CDC42BPA: variants seen among roughly 807,000 people sequenced by gnomAD.
CDC42BPA encodes CDC42 binding protein kinase alpha.
A neutral mutation model predicts 223.5 loss-of-function variants in CDC42BPA; 80 were observed. The observed-to-expected ratio is 0.36, with a 90% confidence interval of 0.30 to 0.43. CDC42BPA has a LOEUF of 0.43. CDC42BPA is among the 20% of genes least tolerant of loss of function. CDC42BPA has a pLI of 1.00. For synonymous variants in CDC42BPA, 694 were observed against 718.6 expected (o/e 0.97, Z 0.55); for missense variants, 1,743 against 2,099.9 (o/e 0.83, Z 3.32).
rs139554464 is a variant in CDC42BPA, at chr1:227,085,571, A to G, written c.2356-4554T>C. Among the ~76,000 whole-genome samples, 131 of 152,348 alleles carry G rather than the reference A, an allele frequency of 8.6e-4. 3 individuals are homozygous for G. In the East Asian group the frequency reaches 0.024, roughly 28 times the overall value. On this transcript the variant is annotated intron_variant, in intron 16 of 36. Transcript: ENST00000366766. ...GAGATAGGCAATTTTGGCACAAATC[A>G]CAAAGCAAAGTTTCATTTCTTCCCC...
intron 3 of CDC42BPA, among the ~76,000 whole-genome samples, chr1:227,202,603 T>C (rs993558784): frequency 6.6e-6 from 1 of 152,034 alleles, no homozygotes; most frequent in Non-Finnish European, 1.5e-5. Context: ...CTAATCTGTT[T>C]AACTAAAAAA....
In CDC42BPA at chr1:227,073,851, G is replaced by A; in HGVS notation, c.2735+13C>T. On this transcript the variant is annotated intron_variant, in intron 19 of 36. Coordinates refer to ENST00000366766, the MANE Select transcript of CDC42BPA (RefSeq NM_001394014.1). ...AGAAATTATTCTAGTGGGACTATAT[G>A]ATTCAATCTTACCATTCTGTTATGA... is the stretch of plus-strand genomic sequence containing the variant. The A allele has an allele frequency of 6.5e-7, 1 of 1,543,018 alleles. No homozygotes were observed. The highest frequency in any genetic ancestry group is 8.8e-7 in the Non-Finnish European group (1 of 1,141,870).
At chr1:227,013,589 A>G (rs1665633459) in intron 34 of CDC42BPA, among the ~76,000 whole-genome samples, 1 of 152,128 alleles carries the variant, frequency 6.6e-6, no homozygotes, top group Non-Finnish European at 1.5e-5. Context: ...AAGGATACTA[A>G]GCAGAGTAAC....
At chr1:227,041,265 C>T (rs1671316211) in intron 23 of CDC42BPA, among the ~76,000 whole-genome samples, 1 of 152,126 alleles carries the variant, frequency 6.6e-6, no homozygotes, top group Non-Finnish European at 1.5e-5. Context: ...GTACTGAGCA[C>T]AGTACCCAAT....
At chr1:227,096,681 T>C (rs554540932) in intron 15 of CDC42BPA, among the ~76,000 whole-genome samples, 52 of 152,346 alleles carry the variant, frequency 3.4e-4, no homozygotes, top group Admixed American at 3.9e-4. Flanking sequence ...TCTACATTCC[T>C]GGCTTCTTTT....
At chr1:227,103,409 G>C (rs988374747) in intron 14 of CDC42BPA, among the ~76,000 whole-genome samples, 2 of 151,978 alleles carry the variant, frequency 1.3e-5, no homozygotes, top group Non-Finnish European at 2.9e-5. Flanking sequence ...AAACCTACAA[G>C]TCTTGAAACA....
intron 1 of CDC42BPA, among the ~76,000 whole-genome samples, chr1:227,276,648 G>A (rs937717205): frequency 3.3e-5 from 5 of 152,342 alleles, no homozygotes; most frequent in African/African-American, 1.2e-4. Context: ...GGGAAATGTG[G>A]GGAAAGGAAA....
intron 14 of CDC42BPA, among the ~76,000 whole-genome samples, chr1:227,103,476 C>T (rs1354549716): frequency 6.6e-6 from 1 of 151,814 alleles, no homozygotes; most frequent in Non-Finnish European, 1.5e-5. Flanking sequence ...TGTTATCTTC[C>T]ACATAATTCT....
intron 5 of CDC42BPA, among the ~76,000 whole-genome samples, chr1:227,164,342 G>A (rs1664637847): frequency 6.6e-6 from 1 of 152,088 alleles, no homozygotes; most frequent in Non-Finnish European, 1.5e-5. Context: ...TGATTTTATA[G>A]ATTAATCTGA....
chr1:227,317,276 T>C lies in CDC42BPA; in HGVS notation c.-94A>G, dbSNP rs545360445. The C allele has an allele frequency of 9.7e-6, 13 of 1,335,392 alleles. No individual in the cohort carries two copies. Among genetic ancestry groups the C allele is most frequent in the South Asian group, 1.4e-5 (1 of 69,050 alleles). The allele number at this position is 1,335,392 out of a possible 1,614,324, so 82.7% of individuals were successfully genotyped here. On this transcript the variant is annotated 5_prime_UTR_variant, in exon 1 of 37. Coordinates refer to ENST00000366766, the MANE Select transcript of CDC42BPA (RefSeq NM_001394014.1). ...ATTTTAAAAGGTATGGTTTTAAAAA[T>C]AAACCACTTGTTATTCAAACAACTG...
intron 34 of CDC42BPA, among the ~76,000 whole-genome samples, chr1:227,009,073 T>A (rs1664675395): frequency 6.6e-6 from 1 of 152,172 alleles, no homozygotes; most frequent in Admixed American, 6.5e-5. Flanking sequence ...TACATTGATG[T>A]TGTCCTTTCC....
intron 3 of CDC42BPA, among the ~76,000 whole-genome samples, chr1:227,201,299 C>G (rs559867318): frequency 3.9e-4 from 59 of 152,104 alleles, no homozygotes; most frequent in African/African-American, 1.4e-3. Flanking sequence ...GTGCACACCA[C>G]TATGCCCAGC....
chr1:227,019,813 T>C (rs1482308236), intron 32 of CDC42BPA, among the ~76,000 whole-genome samples: 2 of 152,198 alleles, frequency 1.3e-5, no homozygotes, highest in Non-Finnish European at 2.9e-5. Flanking sequence ...GCTTAAAATT[T>C]TCAGTGACAT....
rs182610852 is a variant in CDC42BPA at position 227,271,259 on chromosome 1, G to A, written c.179-17104C>T. Among the ~76,000 whole-genome samples the A allele has an allele frequency of 3.2e-4, 48 of 152,174 alleles. No individual in the cohort carries two copies. In the East Asian group the frequency reaches 8.3e-3, roughly 26 times the overall value. On this transcript the variant is annotated intron_variant, in intron 1 of 36. Coordinates refer to ENST00000366766, the MANE Select transcript of CDC42BPA (RefSeq NM_001394014.1). ...CTAAATCAGAGCAAGATCTAATGGT[G>A]AGCTAATGACACAGCTAAAGAAAGT...
chr1:227,008,209 T>C (rs1664473577), intron 34 of CDC42BPA, among the ~76,000 whole-genome samples: 1 of 152,222 alleles, frequency 6.6e-6, no homozygotes, highest in Non-Finnish European at 1.5e-5. Context: ...AATTTGAGTA[T>C]TGAGATTAAT....
At chr1:227,079,326 A>G (rs1221605015) in intron 17 of CDC42BPA, among the ~76,000 whole-genome samples, 1 of 152,082 alleles carries the variant, frequency 6.6e-6, no homozygotes. Flanking sequence ...CACCCTTTCT[A>G]TTAACCCTTT....
At chr1:227,123,432 T>C (rs1689014566) in intron 11 of CDC42BPA, among the ~76,000 whole-genome samples, 2 of 152,182 alleles carry the variant, frequency 1.3e-5, no homozygotes, top group South Asian at 2.1e-4. Flanking sequence ...ATCATACATA[T>C]GGGGTTATTT....
intron 9 of CDC42BPA, among the ~76,000 whole-genome samples, chr1:227,140,425 G>C (rs1167279080): frequency 6.6e-6 from 1 of 152,036 alleles, no homozygotes; most frequent in Non-Finnish European, 1.5e-5. Context: ...AAGTAACTTT[G>C]GAAAAAGCTA....
At chr1:227,103,509 T>A (rs1164705976) in intron 14 of CDC42BPA, among the ~76,000 whole-genome samples, 1 of 152,120 alleles carries the variant, frequency 6.6e-6, no homozygotes, top group African/African-American at 2.4e-5. Flanking sequence ...TTTATAAATG[T>A]GGAGATAGAA....
Sources: gnomAD v4.1 joint callset for allele counts (sites outside exome capture counted in the v4.1 genomes callset) on GRCh38, gnomAD v4.1.1 for gene constraint, MANE v1.5 for transcripts, NCBI Gene and HGNC (gene_info 2026-07-23, HGNC 2026-07-21) for gene names.